PCDH15: variants seen among roughly 807,000 people sequenced by gnomAD.
The protein encoded by PCDH15 is protocadherin-15.
Under a neutral mutation model 178.5 loss-of-function variants are expected in PCDH15, and 129 were observed. That is an observed-to-expected ratio of 0.72 (90% CI 0.63 to 0.84). PCDH15 has a LOEUF of 0.84. PCDH15 is among the 40% of genes least tolerant of loss of function. The pLI, the probability that PCDH15 is intolerant of heterozygous loss-of-function variation, is 0.00. For synonymous variants in PCDH15, 800 were observed against 732.0 expected (o/e 1.09, Z -1.50); for missense variants, 2,230 against 2,099.9 (o/e 1.06, Z -1.21).
chr10:55,463,907 A>AAGAAAGAGAGAG (rs1839740392), intron 2 of PCDH15, among the ~76,000 whole-genome samples: 1 of 11,738 alleles, frequency 8.5e-5, no homozygotes, highest in Non-Finnish European at 1.2e-4. Context: ...GAGAGAAAGA[A>AAGAAAGAGAGAG]AGAAAGAAAG....
At chr10:53,979,692 C>T (rs1185850124) in intron 21 of PCDH15, among the ~76,000 whole-genome samples, 2 of 152,148 alleles carry the variant, frequency 1.3e-5, no homozygotes, top group Non-Finnish European at 2.9e-5. Flanking sequence ...CACATAAAAA[C>T]ACAATTATTT....
In PCDH15 at chr10:55,106,231, T is replaced by A. The variant is rs534144176; in HGVS notation, c.-80+60345A>T. Among the ~76,000 whole-genome samples the A allele has an allele frequency of 1.6e-4, 24 of 152,228 alleles. No homozygotes were observed. The South Asian group carries it at 5.0e-3, about 32-fold the overall frequency. On this transcript the variant is annotated intron_variant, in intron 2 of 5. Coordinates refer to the PCDH15 transcript ENST00000458638. Reference sequence around the variant, plus strand: ...ATTAGCCATGGTTGGAGTATACACATGGATATTGGAAAATACTATAAATCA... The same window carrying A: ...ATTAGCCATGGTTGGAGTATACACAAGGATATTGGAAAATACTATAAATCA...
intron 2 of PCDH15, among the ~76,000 whole-genome samples, chr10:55,459,175 G>A (rs1265021794): frequency 7.0e-6 from 1 of 143,852 alleles, no homozygotes; most frequent in East Asian, 2.1e-4. Context: ...TCATTCTTAA[G>A]TCTGAAGGAC....
intron 15 of PCDH15, among the ~76,000 whole-genome samples, chr10:54,111,619 T>C (rs1246309201): frequency 6.6e-6 from 1 of 152,108 alleles, no homozygotes; most frequent in Non-Finnish European, 1.5e-5. Flanking sequence ...TCCATAAAGA[T>C]AGACTAACAG....
At chr10:54,667,281 C>T (rs1474079344) in intron 1 of PCDH15, among the ~76,000 whole-genome samples, 1 of 151,936 alleles carries the variant, frequency 6.6e-6, no homozygotes, top group South Asian at 2.1e-4. Flanking sequence ...AGCTATGACT[C>T]ATCACATCAA....
At chr10:55,041,300 G>A (rs1423079087) in intron 2 of PCDH15, among the ~76,000 whole-genome samples, 1 of 152,078 alleles carries the variant, frequency 6.6e-6, no homozygotes, top group Non-Finnish European at 1.5e-5. Flanking sequence ...CAAGAGCAGT[G>A]AGAAAAGTTG....
chr10:54,490,607 C>T (rs754164407), intron 3 of PCDH15, among the ~76,000 whole-genome samples: 3 of 151,988 alleles, frequency 2.0e-5, no homozygotes, highest in African/African-American at 4.8e-5. Flanking sequence ...AACTTTGCCA[C>T]GTAACAGAAT....
intron 8 of PCDH15, among the ~76,000 whole-genome samples, chr10:54,263,943 A>G (rs2057498946): frequency 6.6e-6 from 1 of 152,132 alleles, no homozygotes; most frequent in South Asian, 2.1e-4. Context: ...AGAAGACAGA[A>G]GAGCAGACTT....
intron 2 of PCDH15, among the ~76,000 whole-genome samples, chr10:54,968,424 A>G (rs1433629598): frequency 7.3e-6 from 1 of 136,774 alleles, no homozygotes; most frequent in Middle Eastern, 3.4e-3. Context: ...TTTACAGACT[A>G]TGGTTTATAG....
intron 2 of PCDH15, among the ~76,000 whole-genome samples, chr10:55,131,024 C>A (rs1410553542): frequency 6.6e-6 from 1 of 151,892 alleles, no homozygotes; most frequent in Non-Finnish European, 1.5e-5. Context: ...CAACATCCTC[C>A]TTTCTTGACT....
intron 3 of PCDH15, among the ~76,000 whole-genome samples, chr10:54,431,568 A>G (rs914459860): frequency 1.3e-5 from 2 of 152,188 alleles, no homozygotes; most frequent in African/African-American, 4.8e-5. Context: ...TTTCATGATA[A>G]AATGTCTCAA....
rs535886576 is a variant in PCDH15, at chr10:54,498,060, G to C, written c.157+29752C>G. Reference sequence around the variant, plus strand: ...AAAATATTAAAGGAAGCTATACAGAGGGGAAGGCAACATAAAAAGGGAACC... The same window carrying C: ...AAAATATTAAAGGAAGCTATACAGACGGGAAGGCAACATAAAAAGGGAACC... On this transcript the variant is annotated intron_variant, in intron 3 of 37. Coordinates refer to ENST00000644397, the MANE Select transcript of PCDH15 (RefSeq NM_001384140.1). Among the ~76,000 whole-genome samples, 8 of 152,096 alleles carry C rather than the reference G, an allele frequency of 5.3e-5. No homozygotes were observed. In the South Asian group the frequency reaches 1.7e-3, roughly 32 times the overall value.
chr10:54,655,300 G>GAGAGAGAGAC lies in PCDH15; in HGVS notation c.91+8871_91+8872insGTCTCTCTCT, dbSNP rs1158121522. Reference sequence around the variant, plus strand: ...AGAGAGAGAGAGAGAGAGAGAGAGAGAGACAGAGAGAGAGACAGAGAAAGA... The same window carrying GAGAGAGAGAC: ...AGAGAGAGAGAGAGAGAGAGAGAGAGAGAGAGAGACAGACAGAGAGAGAGACAGAGAAAGA... On this transcript the variant is annotated intron_variant, in intron 2 of 37. Coordinates refer to ENST00000644397, the MANE Select transcript of PCDH15 (RefSeq NM_001384140.1). 3.9e-4 allele frequency among the ~76,000 whole-genome samples: 43 copies of GAGAGAGAGAC among 111,298 alleles called. 1 individual carries two copies. The highest frequency in any genetic ancestry group is 9.0e-4 in the Admixed American group (10 of 11,128). 73.0% of individuals were successfully genotyped at this position (111,298 alleles called of 152,430 possible).
At chr10:54,536,984 A>C (rs2132863175) in intron 2 of PCDH15, among the ~76,000 whole-genome samples, 1 of 145,542 alleles carries the variant, frequency 6.9e-6, no homozygotes, top group African/African-American at 2.5e-5. Flanking sequence ...TATTTGGTGG[A>C]ACAATTTGTT....
intron 2 of PCDH15, among the ~76,000 whole-genome samples, chr10:55,336,124 GAAAAAAAAAAAAAAAAAAA>G (rs748988261): frequency 8.4e-5 from 5 of 59,278 alleles, no homozygotes; most frequent in African/African-American, 3.0e-4. Flanking sequence ...CTTGGTATTT[GAAAAAAAAAAAAAAAAAAA>G]AAAAAAAAAA....
Position 55,255,366 on chromosome 10 carries a change from G to T in PCDH15, c.-156+64233C>A, listed in dbSNP as rs576113499. ...CCAGTCTATCATTGTTGGACATTTG[G>T]GTTGGTTCCAAGTCTTTGCTATTGT... On this transcript the variant is annotated intron_variant, in intron 1 of 5. Transcript: ENST00000458638. 7.6e-3 allele frequency among the ~76,000 whole-genome samples: 1,154 copies of T among 152,210 alleles called. 10 individuals carry two copies. Among genetic ancestry groups the T allele is most frequent in the African/African-American group, 0.026 (1,080 of 41,508 alleles).
chr10:54,238,654 T>C (rs10763089), intron 8 of PCDH15, among the ~76,000 whole-genome samples: 112,734 of 148,112 alleles, frequency 0.76, 43,877 homozygotes, highest in African/African-American at 0.86. Context: ...TTTCCTCCCA[T>C]GCTGCCTCTC....
At chr10:53,994,738 T>C (rs1394337143) in intron 21 of PCDH15, 1 of 152,126 alleles carries the variant, frequency 6.6e-6, no homozygotes, top group Non-Finnish European at 1.5e-5. Flanking sequence ...CATTAATACA[T>C]TTTGATTCCA....
intron 3 of PCDH15, among the ~76,000 whole-genome samples, chr10:54,851,706 T>G (rs1953623977): frequency 1.3e-5 from 2 of 152,112 alleles, no homozygotes; most frequent in African/African-American, 2.4e-5. Context: ...GCAATTCTCC[T>G]GCCTTAGCCT....
Sources: allele counts gnomAD v4.1 joint callset (sites outside exome capture counted in the v4.1 genomes callset), GRCh38; gene constraint gnomAD v4.1.1; transcripts MANE v1.5; gene names NCBI Gene and HGNC (gene_info 2026-07-23, HGNC 2026-07-21).